Variants in GRIA4 observed in about 807,000 individuals in gnomAD.
GRIA4 encodes glutamate receptor 4.
Under a neutral mutation model 104.0 loss-of-function variants are expected in GRIA4, and 34 were observed. That is an observed-to-expected ratio of 0.33 (90% confidence interval 0.25 to 0.44). The LOEUF (loss-of-function observed/expected upper bound fraction) is 0.44. Ranked by LOEUF, GRIA4 falls within the 20% of genes least tolerant of loss-of-function variation. The probability of loss-of-function intolerance (pLI) is 1.00; values close to 1 mark genes in which losing one functional copy is unlikely to be tolerated. For synonymous variants in GRIA4, 386 were observed against 381.9 expected, an observed-to-expected ratio of 1.01 and a Z score of -0.13; for missense variants, 750 against 1,096.5, an observed-to-expected ratio of 0.68 and a Z score of 4.46.
At chr11:105,699,294 T>G (rs1208397758) in intron 3 of GRIA4, among the ~76,000 whole-genome samples, 1 of 152,170 alleles carries the variant, frequency 6.6e-6, no homozygotes, top group Non-Finnish European at 1.5e-5. Context: ...GTCCCCAACT[T>G]GTTATTTGAT....
intron 6 of GRIA4, among the ~76,000 whole-genome samples, chr11:105,891,182 G>A (rs776048539): frequency 3.3e-5 from 5 of 152,020 alleles, no homozygotes; most frequent in Admixed American, 2.6e-4. Flanking sequence ...TGATGATATC[G>A]TTTGCTTAAA....
At chr11:105,653,369 A>T (rs927318881) in intron 3 of GRIA4, among the ~76,000 whole-genome samples, 9 of 152,164 alleles carry the variant, frequency 5.9e-5, no homozygotes, top group African/African-American at 1.9e-4. Flanking sequence ...AAACTGTGAC[A>T]GTCGATCTGA....
At position 105,749,556 on chromosome 11, in the gene GRIA4, G is replaced by A. The variant is rs148292309; in HGVS notation, c.248-3425G>A. 3.3e-5 allele frequency among the ~76,000 whole-genome samples: 5 copies of A among 152,282 alleles called. No individual in the cohort carries two copies. In the East Asian group the frequency reaches 7.7e-4, roughly 24 times the overall value. On this transcript the variant is annotated intron_variant, in intron 3 of 16. Coordinates refer to ENST00000282499, the MANE Select transcript of GRIA4 (RefSeq NM_000829.4). ...CTCTTGGATTGATGTCCCATAACTT[G>A]AGAAACACTGAGCTAAGGCCGTGTC...
rs770908834 is a variant in GRIA4 at position 105,610,960 on chromosome 11, AAG to A, written c.-29_-28del. ...CAGCCTTTAGGAAGAGTGCGAGAGA[AAG>A]AGAGAGAGCGCGCGCCAGGGAGAGG... On this transcript the variant is annotated 5_prime_UTR_variant, in exon 2 of 17. Transcript: ENST00000282499. 3.0e-6 allele frequency: 4 copies of A among 1,333,226 alleles called. No homozygotes were observed. Among genetic ancestry groups the A allele is most frequent in the East Asian group, 2.3e-5 (1 of 43,436 alleles). 82.6% of individuals were successfully genotyped at this position (1,333,226 alleles called of 1,614,324 possible). A position where few individuals can be genotyped will look rare whatever the true frequency, so the allele number is the denominator to read the frequency against.
At chr11:105,904,010 T>G in intron 8 of GRIA4, 29 bp downstream of exon 8, 1 of 1,475,412 alleles carries the variant, frequency 6.8e-7, no homozygotes, top group East Asian at 2.3e-5. Context: ...TAAGTTCAAT[T>G]CATTTCATGG....
At chr11:105,749,794 T>A (rs7129691) in intron 3 of GRIA4, among the ~76,000 whole-genome samples, 70,176 of 151,998 alleles carry the variant, frequency 0.46, 16,487 homozygotes, top group Middle Eastern at 0.52. Flanking sequence ...ATCCAAGTGA[T>A]CTTGTTAGTG....
In GRIA4 at chr11:105,696,597, T is replaced by C. The variant is rs1360985674; in HGVS notation, c.248-56384T>C. On this transcript the variant is annotated intron_variant, in intron 3 of 16. Coordinates refer to ENST00000282499, the MANE Select transcript of GRIA4 (RefSeq NM_000829.4). Reference sequence around the variant, plus strand: ...ATTCTATTAAATACAATAGGCACACTATAAATAGCACTCCATCATTTGCTA... The same window carrying C: ...ATTCTATTAAATACAATAGGCACACCATAAATAGCACTCCATCATTTGCTA... Among the ~76,000 whole-genome samples the C allele has an allele frequency of 5.3e-5, 8 of 152,196 alleles. 1 individual carries two copies. The highest frequency in any genetic ancestry group is 1.5e-5 in the Non-Finnish European group (1 of 68,040).
intron 4 of GRIA4, among the ~76,000 whole-genome samples, chr11:105,830,230 G>C (rs973974665): frequency 6.6e-6 from 1 of 151,924 alleles, no homozygotes; most frequent in African/African-American, 2.4e-5. Context: ...GTAGCATTAT[G>C]GATTATTGAT....
chr11:105,921,306 GGTGTGTGT>G (rs5794436), intron 11 of GRIA4, among the ~76,000 whole-genome samples: 274 of 138,846 alleles, frequency 2.0e-3, no homozygotes, highest in Middle Eastern at 7.7e-3. Context: ...ACCACACTTG[GGTGTGTGT>G]GTGTGTGTGT....
intron 3 of GRIA4, among the ~76,000 whole-genome samples, chr11:105,691,835 T>A (rs1295385199): frequency 6.8e-6 from 1 of 146,084 alleles, no homozygotes; most frequent in Non-Finnish European, 1.5e-5. Flanking sequence ...CTTGGGAGGC[T>A]GAGGCAGGAG....
intron 10 of GRIA4, among the ~76,000 whole-genome samples, chr11:105,911,076 T>C (rs1459376636): frequency 6.6e-6 from 1 of 152,074 alleles, no homozygotes; most frequent in Non-Finnish European, 1.5e-5. Context: ...ACTAAATGAT[T>C]TAGGAATTAA....
At chr11:105,822,312 C>A (rs568752453) in intron 4 of GRIA4, among the ~76,000 whole-genome samples, 43 of 152,078 alleles carry the variant, frequency 2.8e-4, no homozygotes, top group Middle Eastern at 3.4e-3. Context: ...TGTGAAGTTT[C>A]TTTTACTCAA....
At chr11:105,840,171 T>C (rs1367656373) in intron 4 of GRIA4, among the ~76,000 whole-genome samples, 3 of 152,342 alleles carry the variant, frequency 2.0e-5, no homozygotes, top group Non-Finnish European at 4.4e-5. Flanking sequence ...GATTCTGATT[T>C]CCTTTGACTA....
intron 4 of GRIA4, among the ~76,000 whole-genome samples, chr11:105,787,810 C>T (rs1287940350): frequency 6.6e-6 from 1 of 152,058 alleles, no homozygotes; most frequent in East Asian, 1.9e-4. Context: ...AAAAATTTTG[C>T]TTAACTACTG....
chr11:105,843,870 T>C (rs1161955748), intron 4 of GRIA4, among the ~76,000 whole-genome samples: 1 of 152,248 alleles, frequency 6.6e-6, no homozygotes, highest in Non-Finnish European at 1.5e-5. Flanking sequence ...GGACTTTATG[T>C]GACCTCCTCC....
intron 3 of GRIA4, among the ~76,000 whole-genome samples, chr11:105,674,593 G>A (rs969425650): frequency 6.6e-6 from 1 of 151,700 alleles, no homozygotes; most frequent in Non-Finnish European, 1.5e-5. Flanking sequence ...CCATTTACCC[G>A]AAAATTTGGA....
intron 4 of GRIA4, among the ~76,000 whole-genome samples, chr11:105,764,118 A>ATGTTT (rs748583826): frequency 1.4e-4 from 22 of 152,038 alleles, no homozygotes; most frequent in Non-Finnish European, 2.2e-4. Context: ...CTGTAATTTA[A>ATGTTT]TGTTTTGTTT....
chr11:105,748,383 A>ATT (rs34745477), intron 3 of GRIA4, among the ~76,000 whole-genome samples: 2 of 147,948 alleles, frequency 1.4e-5, no homozygotes, highest in Admixed American at 1.3e-4. Flanking sequence ...CACTTTTGTG[A>ATT]TTTTTTTTTT....
rs1482034666 is a variant in GRIA4, at chr11:105,684,431, G to A, written c.248-68550G>A. 2.6e-5 allele frequency among the ~76,000 whole-genome samples: 4 copies of A among 151,382 alleles called. No individual in the cohort carries two copies. The South Asian group carries it at 8.3e-4, about 31-fold the overall frequency. Reference sequence around the variant, plus strand: ...GAATGAGTCTGATTTCATTTCAATTGCTAAAATAAAGTTAGATGAGATTAT... The same window carrying A: ...GAATGAGTCTGATTTCATTTCAATTACTAAAATAAAGTTAGATGAGATTAT... On this transcript the variant is annotated intron_variant, in intron 3 of 16. Coordinates refer to ENST00000282499, the MANE Select transcript of GRIA4 (RefSeq NM_000829.4).
Sources: gnomAD v4.1 joint callset for allele counts (sites outside exome capture counted in the v4.1 genomes callset) on GRCh38, gnomAD v4.1.1 for gene constraint, MANE v1.5 for transcripts, NCBI Gene and HGNC (gene_info 2026-07-23, HGNC 2026-07-21) for gene names.